MPP7: variants seen among roughly 807,000 people sequenced by gnomAD.
The protein encoded by MPP7 is MAGUK p55 subfamily member 7.
In MPP7, 60 loss-of-function variants were observed where a neutral mutation model predicts 76.5. The ratio of observed to expected loss-of-function variants is 0.78; its 90% confidence interval spans 0.64 to 0.97. The LOEUF (loss-of-function observed/expected upper bound fraction) is 0.97, where lower values mean the gene tolerates loss of function less well. Among genes scored for constraint, MPP7 ranks in the 50% least tolerant of loss-of-function variants. The probability of loss-of-function intolerance (pLI) is 0.00; values close to 1 mark genes in which losing one functional copy is unlikely to be tolerated. For missense variants in MPP7, 641 were observed against 694.0 expected, an observed-to-expected ratio of 0.92 and a Z score of 0.86; for synonymous variants, 237 against 244.5, an observed-to-expected ratio of 0.97 and a Z score of 0.29.
chr10:28,311,821 C>T (rs1188314939), intron 2 of MPP7, among the ~76,000 whole-genome samples: 5 of 152,072 alleles, frequency 3.3e-5, no homozygotes, highest in African/African-American at 1.2e-4. Context: ...AATGCTCCGT[C>T]CTCCCTCTTG....
chr10:28,193,587 ATGTGGAACTTC>A (rs1383400345), intron 3 of MPP7, among the ~76,000 whole-genome samples: 4 of 152,234 alleles, frequency 2.6e-5, no homozygotes, highest in African/African-American at 9.6e-5. Flanking sequence ...CTTTAGTAAA[ATGTGGAACTTC>A]TGCTTTGTGA....
chr10:28,222,681 T>C (rs538509185), intron 2 of MPP7, among the ~76,000 whole-genome samples: 1 of 151,720 alleles, frequency 6.6e-6, no homozygotes, highest in East Asian at 1.9e-4. Flanking sequence ...TGAAACCCCG[T>C]CTCCACTAAA....
rs571374967 is a variant in MPP7, at chr10:28,067,367, CTTCT to C, written c.1204+2401_1204+2404del. 3.4e-4 allele frequency among the ~76,000 whole-genome samples: 51 copies of C among 152,196 alleles called. No homozygotes were observed. In the South Asian group the frequency reaches 9.8e-3, roughly 29 times the overall value. On this transcript the variant is annotated intron_variant, in intron 13 of 16. Transcript: ENST00000683449. ...TCTAAAATTACTCTTAAAATATATT[CTTCT>C]TTAATTAATTAAATCACGCTGGTTT...
intron 11 of MPP7, among the ~76,000 whole-genome samples, chr10:28,091,045 G>A (rs1322611411): frequency 1.3e-5 from 2 of 152,060 alleles, no homozygotes; most frequent in Non-Finnish European, 2.9e-5. Flanking sequence ...TACTCGGGAG[G>A]CTGAGACAGG....
upstream of MPP7, among the ~76,000 whole-genome samples, chr10:28,305,138 A>G (rs1047886589): frequency 3.9e-5 from 6 of 152,196 alleles, no homozygotes. Flanking sequence ...GAAAACACCA[A>G]CTTAGCAAAA....
chr10:28,079,735 C>T (rs902557511), intron 12 of MPP7, among the ~76,000 whole-genome samples: 5 of 151,934 alleles, frequency 3.3e-5, no homozygotes, highest in Non-Finnish European at 7.4e-5. Context: ...ACATTCTGAG[C>T]GAATGAATAA....
At chr10:28,330,666 G>A (rs766253648) in intron 1 of MPP7, among the ~76,000 whole-genome samples, 1 of 151,972 alleles carries the variant, frequency 6.6e-6, no homozygotes, top group Non-Finnish European at 1.5e-5. Context: ...TTTGGTTTTG[G>A]TTTTTTAAGA....
intron 4 of MPP7, among the ~76,000 whole-genome samples, chr10:28,149,770 T>C (rs1235956697): frequency 6.6e-6 from 1 of 152,156 alleles, no homozygotes; most frequent in East Asian, 1.9e-4. Flanking sequence ...AACAAGAGAG[T>C]AGCTACATGC....
At chr10:28,287,167 C>T (rs1308248105) in intron 1 of MPP7, among the ~76,000 whole-genome samples, 1 of 152,004 alleles carries the variant, frequency 6.6e-6, no homozygotes, top group Non-Finnish European at 1.5e-5. Flanking sequence ...AATAACTGAC[C>T]TATTTGTTGC....
chr10:28,056,716 C>T (rs1343640672), intron 15 of MPP7, 93 bp from the exon 16 acceptor site: 2 of 1,100,602 alleles, frequency 1.8e-6, no homozygotes, highest in South Asian at 1.8e-5. Flanking sequence ...CAAAATTATT[C>T]TTTAAGGTCA....
chr10:28,141,218 C>A (rs1159880073), intron 5 of MPP7, among the ~76,000 whole-genome samples: 3 of 151,670 alleles, frequency 2.0e-5, no homozygotes. Context: ...TTAAATGAGA[C>A]AACAAAACTT....
chr10:28,325,109 G>A (rs940796481), intron 2 of MPP7, among the ~76,000 whole-genome samples: 1 of 152,086 alleles, frequency 6.6e-6, no homozygotes, highest in African/African-American at 2.4e-5. Context: ...GCCCAGGCTG[G>A]TCTTGAACTC....
intron 8 of MPP7, among the ~76,000 whole-genome samples, chr10:28,122,299 T>C (rs547930968): frequency 2.6e-5 from 4 of 152,326 alleles, no homozygotes; most frequent in Admixed American, 2.0e-4. Flanking sequence ...TATAGGTCTA[T>C]CTCTCGTGAT....
At chr10:28,083,736 C>T (rs1339416159) in intron 12 of MPP7, among the ~76,000 whole-genome samples, 1 of 151,994 alleles carries the variant, frequency 6.6e-6, no homozygotes, top group East Asian at 1.9e-4. Context: ...CAGGGTTTCA[C>T]CATGTTGGCC....
chr10:28,190,561 A>G (rs1837380891), intron 3 of MPP7, among the ~76,000 whole-genome samples: 3 of 152,214 alleles, frequency 2.0e-5, no homozygotes, highest in South Asian at 4.1e-4. Context: ...ATTGGACAAC[A>G]TTTTAAATAA....
Position 28,218,169 on chromosome 10 carries a change from G to A in MPP7, c.38-15898C>T, listed in dbSNP as rs537590572. Among the ~76,000 whole-genome samples the A allele has an allele frequency of 1.2e-4, 18 of 152,298 alleles. No homozygotes were observed. In the South Asian group the frequency reaches 2.3e-3, roughly 19 times the overall value. On this transcript the variant is annotated intron_variant, in intron 2 of 16. Coordinates refer to ENST00000683449, the MANE Select transcript of MPP7 (RefSeq NM_001318170.2). ...AGTAGGGAGGAGGCCAAAAGAGGCCGGTGGAGAATTGGCTATGGTTCAACT... is the reference window on the plus strand; with the variant it reads ...AGTAGGGAGGAGGCCAAAAGAGGCCAGTGGAGAATTGGCTATGGTTCAACT...
chr10:28,294,307 G>A (rs1012218263), intron 1 of MPP7, among the ~76,000 whole-genome samples: 2 of 152,132 alleles, frequency 1.3e-5, no homozygotes, highest in Non-Finnish European at 2.9e-5. Flanking sequence ...ACTCCGTCTC[G>A]AGAAGAACTG....
intron 13 of MPP7, among the ~76,000 whole-genome samples, chr10:28,062,773 G>A (rs899791084): frequency 6.6e-6 from 1 of 152,124 alleles, no homozygotes; most frequent in African/African-American, 2.4e-5. Context: ...TATATTAATG[G>A]TAAAGGATGG....
intron 1 of MPP7, among the ~76,000 whole-genome samples, chr10:28,261,503 G>A (rs1267219102): frequency 6.6e-6 from 1 of 152,156 alleles, no homozygotes; most frequent in Non-Finnish European, 1.5e-5. Flanking sequence ...AGCAGAGAAA[G>A]CCACAGTACT....
Sources: gnomAD v4.1 joint callset for allele counts (sites outside exome capture counted in the v4.1 genomes callset) on GRCh38, gnomAD v4.1.1 for gene constraint, MANE v1.5 for transcripts, NCBI Gene and HGNC (gene_info 2026-07-23, HGNC 2026-07-21) for gene names.